The following FAM222A variants were observed in gnomAD, a reference collection of about 807,000 sequenced individuals.
FAM222A encodes protein FAM222A.
FAM222A carries 7 observed loss-of-function variants against 25.8 expected under a neutral mutation model. The ratio of observed to expected loss-of-function variants is 0.27; its 90% CI spans 0.15 to 0.51. FAM222A has a LOEUF of 0.51. FAM222A is among the 20% of genes least tolerant of loss of function. The pLI is 0.97. For missense variants in FAM222A, 573 were observed against 640.5 expected (o/e 0.89, Z 1.14); for synonymous variants, 294 against 298.8 (o/e 0.98, Z 0.17).
intron 1 of FAM222A, among the ~76,000 whole-genome samples, chr12:109,719,098 C>A (rs1397187694): frequency 6.6e-6 from 1 of 152,224 alleles, no homozygotes; most frequent in Non-Finnish European, 1.5e-5. Context: ...CAGCCACCAT[C>A]TGGGTCTCTC....
chr12:109,769,234 G>A lies in FAM222A; in HGVS notation c.1305G>A (p.Val435=). ...MLGKGYETVA[V]PRLLDHQHAH... ...GCAAGGGCTATGAGACGGTGGCCGT[G>A]CCCCGGCTACTCGACCACCAGCATG... Residue 435 remains valine (V), a synonymous_variant, in exon 3 of 3, where the codon GTG becomes GTA. Transcript: ENST00000538780. 18 of 1,611,748 alleles carry A rather than the reference G, an allele frequency of 1.1e-5. No individual in the cohort carries two copies. The highest frequency in any genetic ancestry group is 1.5e-5 in the Non-Finnish European group (18 of 1,179,622).
rs190359961 is a variant in FAM222A, at chr12:109,749,737, T to A, written c.82+5509T>A. ...CTTGTAGCACCTGTATCTTTGGCTT[T>A]TGAATGGTGATGCAATGTTATTTAA... On this transcript the variant is annotated intron_variant, in intron 2 of 2. Coordinates refer to ENST00000538780, the MANE Select transcript of FAM222A (RefSeq NM_032829.3). 3.3e-5 allele frequency among the ~76,000 whole-genome samples: 5 copies of A among 152,364 alleles called. No homozygotes were observed. The East Asian group carries it at 9.6e-4, about 29-fold the overall frequency.
intron 2 of FAM222A, chr12:109,744,571 A>G (rs1436123971): frequency 3.0e-6 from 3 of 985,246 alleles, no homozygotes; most frequent in Non-Finnish European, 3.6e-6. Context: ...AAGTAGGATG[A>G]CGTGGAAGCA....
chr12:109,738,088 A>C (rs983241991), intron 1 of FAM222A, among the ~76,000 whole-genome samples: 1 of 152,202 alleles, frequency 6.6e-6, no homozygotes, highest in African/African-American at 2.4e-5. Flanking sequence ...GGATGTAGAC[A>C]GAGGAGAGGA....
chr12:109,761,012 G>A (rs947369084), intron 2 of FAM222A, among the ~76,000 whole-genome samples: 1 of 152,214 alleles, frequency 6.6e-6, no homozygotes, highest in Non-Finnish European at 1.5e-5. Context: ...TGCCCCCACT[G>A]AGGGCAGGCA....
chr12:109,749,163 A>G (rs1201220320), intron 2 of FAM222A, among the ~76,000 whole-genome samples: 7 of 152,042 alleles, frequency 4.6e-5, no homozygotes, highest in Non-Finnish European at 8.8e-5. Context: ...CTGGAGTGCA[A>G]TGGTGCAATC....
chr12:109,762,697 A>G (rs1484574790), intron 2 of FAM222A, among the ~76,000 whole-genome samples: 1 of 152,222 alleles, frequency 6.6e-6, no homozygotes, highest in Non-Finnish European at 1.5e-5. Flanking sequence ...CAGGGCCCCA[A>G]GTAGTCTGGG....
intron 2 of FAM222A, among the ~76,000 whole-genome samples, chr12:109,750,254 T>C (rs1239973107): frequency 6.6e-6 from 1 of 152,226 alleles, no homozygotes; most frequent in Non-Finnish European, 1.5e-5. Flanking sequence ...AGGAATAAAA[T>C]GATGAAATTG....
intron 1 of FAM222A, among the ~76,000 whole-genome samples, chr12:109,741,464 G>A (rs1206514968): frequency 6.6e-6 from 1 of 152,212 alleles, no homozygotes; most frequent in Non-Finnish European, 1.5e-5. Flanking sequence ...AGAGCACGCT[G>A]ACAACTAGAG....
At chr12:109,741,102 A>G (rs1452677585) in intron 1 of FAM222A, among the ~76,000 whole-genome samples, 4 of 152,116 alleles carry the variant, frequency 2.6e-5, no homozygotes, top group African/African-American at 9.7e-5. Flanking sequence ...GGGGGATTTG[A>G]CCGTCTTGGT....
At chr12:109,751,607 T>C (rs1888561358) in intron 2 of FAM222A, among the ~76,000 whole-genome samples, 1 of 152,204 alleles carries the variant, frequency 6.6e-6, no homozygotes, top group Admixed American at 6.5e-5. Flanking sequence ...TATGTGTGCT[T>C]ATTTATCCTC....
At chr12:109,720,504 C>T (rs1381852573) in intron 1 of FAM222A, among the ~76,000 whole-genome samples, 1 of 152,262 alleles carries the variant, frequency 6.6e-6, no homozygotes, top group East Asian at 1.9e-4. Context: ...GAATGCAGGG[C>T]TTGGCCCTGC....
intron 1 of FAM222A, chr12:109,722,906 T>A (rs958620895): frequency 6.6e-6 from 1 of 151,876 alleles, no homozygotes; most frequent in Non-Finnish European, 1.5e-5. Context: ...GACAAGGATG[T>A]TATACCCAAT....
Position 109,754,462 on chromosome 12 carries a change from T to C in FAM222A, c.82+10234T>C, listed in dbSNP as rs150097442. On this transcript the variant is annotated intron_variant, in intron 2 of 2. Transcript: ENST00000538780. The stretch of plus-strand genomic sequence containing the variant: ...CAACCGTACTCCTTGACAGCAGAGG[T>C]TGGCAAACATTTTCTGCAAAGAGCA... Among the ~76,000 whole-genome samples the C allele has an allele frequency of 3.1e-3, 472 of 152,108 alleles. 3 individuals are homozygous for C. Among genetic ancestry groups the C allele is most frequent in the African/African-American group, 0.011 (462 of 41,498 alleles).
intron 1 of FAM222A, among the ~76,000 whole-genome samples, chr12:109,735,220 G>A (rs1435160788): frequency 1.3e-5 from 2 of 152,082 alleles, no homozygotes; most frequent in Admixed American, 6.5e-5. Flanking sequence ...CTTCCTCCCC[G>A]TCCCTTGGGG....
At chr12:109,741,802 G>A (rs1888246889) in intron 1 of FAM222A, among the ~76,000 whole-genome samples, 1 of 152,182 alleles carries the variant, frequency 6.6e-6, no homozygotes, top group African/African-American at 2.4e-5. Context: ...GGAGGTTCCA[G>A]CCTTCCAGCC....
chr12:109,768,154 C>G lies in FAM222A; in HGVS notation c.225C>G (p.Leu75=), dbSNP rs1889113924. Residue 75 remains leucine (L), a synonymous_variant, in exon 3 of 3, where the codon CTC becomes CTG. Transcript: ENST00000538780. ...TNIRVPQHKH[L]SRTVNGYDTS... ...TCCGTGTGCCCCAGCACAAGCACCT[C>G]AGCCGCACAGTCAATGGCTATGACA... 6.2e-7 allele frequency: 1 copy of G among 1,613,856 alleles called. No homozygotes were observed. The highest frequency in any genetic ancestry group is 1.1e-5 in the South Asian group (1 of 91,092).
At chr12:109,732,966 C>T (rs1887982967) in intron 1 of FAM222A, among the ~76,000 whole-genome samples, 1 of 152,166 alleles carries the variant, frequency 6.6e-6, no homozygotes, top group Non-Finnish European at 1.5e-5. Flanking sequence ...AATTTCAGAG[C>T]AGTAATGACA....
chr12:109,728,013 T>A (rs763406962), intron 1 of FAM222A, among the ~76,000 whole-genome samples: 2 of 151,968 alleles, frequency 1.3e-5, no homozygotes, highest in Non-Finnish European at 2.9e-5. Flanking sequence ...TCTCCTTAAC[T>A]GAGAAATGGA....
Sources: allele counts gnomAD v4.1 joint callset (sites outside exome capture counted in the v4.1 genomes callset), GRCh38; gene constraint gnomAD v4.1.1; transcripts MANE v1.5; gene names NCBI Gene and HGNC (gene_info 2026-07-23, HGNC 2026-07-21).